Variants in C2orf49 observed in about 807,000 individuals in gnomAD.
C2orf49 encodes the protein tRNA splicing ligase complex subunit 2, also known as tRNA-splicing ligase complex subunit ASW.
Under a neutral mutation model 20.6 loss-of-function variants are expected in C2orf49, and 11 were observed. The ratio of observed to expected loss-of-function variants is 0.53; its 90% CI spans 0.34 to 0.88. C2orf49 has a LOEUF of 0.88. C2orf49 is among the 40% of genes least tolerant of loss of function. The probability of loss-of-function intolerance (pLI) is 0.02; values close to 1 mark genes in which losing one functional copy is unlikely to be tolerated. For synonymous variants in C2orf49, 134 were observed against 108.5 expected (o/e 1.24, Z -1.46); for missense variants, 289 against 274.2 (o/e 1.05, Z -0.38).
chr2:105,354,185 G>A (rs1450407513), downstream of C2orf49, among the ~76,000 whole-genome samples: 1 of 152,212 alleles, frequency 6.6e-6, no homozygotes, highest in Admixed American at 6.5e-5. Context: ...GGGCAATATT[G>A]AGGGAGTAGT....
chr2:105,353,031 A>G (rs551782316), downstream of C2orf49, among the ~76,000 whole-genome samples: 3 of 152,304 alleles, frequency 2.0e-5, no homozygotes, highest in South Asian at 2.1e-4. Flanking sequence ...GAGGTCCAAG[A>G]GCATGGCACT....
chr2:105,351,651 T>C (rs1573253877), downstream of C2orf49, among the ~76,000 whole-genome samples: 1 of 151,530 alleles, frequency 6.6e-6, no homozygotes, highest in East Asian at 1.9e-4. Flanking sequence ...CATGATTGTG[T>C]TTTCTTTGAA....
the C2orf49 span, among the ~76,000 whole-genome samples, chr2:105,355,770 T>TGTGTGTGTGTGTG: frequency 8.9e-4 from 128 of 143,196 alleles, 1 homozygote; most frequent in Non-Finnish European, 1.4e-3. Context: ...AGAAAAAATT[T>TGTGTGTGTGTGTG]TGTGTGTGTG....
the C2orf49 span, chr2:105,367,447 G>A: frequency 1.0e-5 from 10 of 973,068 alleles, no homozygotes; most frequent in African/African-American, 1.1e-4. Context: ...GGCAGGACAG[G>A]CACAGCTCCC....
Position 105,342,946 on chromosome 2 carries a change from A to G in C2orf49, c.365A>G (p.Asp122Gly), listed in dbSNP as rs565758006. Residue 122 changes from aspartate to glycine, a missense_variant, in exon 3 of 4, where the codon GAT becomes GGT. Coordinates refer to ENST00000258457, the MANE Select transcript of C2orf49 (RefSeq NM_024093.3). ...SIKVKKTENGDNDRLKPPPQA... is the reference protein window; with the variant it reads ...SIKVKKTENGGNDRLKPPPQA... ...AAAGTGAAAAAGACAGAGAATGGAG[A>G]TAATGATCGACTGAAGCCTCCCCCG... 8.1e-6 allele frequency: 13 copies of G among 1,614,236 alleles called. No individual in the cohort carries two copies. In the South Asian group the frequency reaches 9.9e-5, roughly 12 times the overall value.
the C2orf49 span, chr2:105,361,171 A>C: frequency 9.2e-7 from 1 of 1,088,928 alleles, no homozygotes; most frequent in South Asian, 1.5e-5. Context: ...AAAGCACTAG[A>C]AGAAAGTCTC....
intron 1 of C2orf49, 35 bp downstream of exon 1, chr2:105,337,721 G>T (rs1200224463): frequency 4.1e-4 from 11 of 26,788 alleles, no homozygotes; most frequent in East Asian, 1.3e-3. Flanking sequence ...GGGCGGGTGG[G>T]CCTTCCCAGG....
chr2:105,348,594 G>A lies in C2orf49; in HGVS notation c.*3223G>A, dbSNP rs1390683813. On this transcript the variant is annotated 3_prime_UTR_variant, in exon 4 of 4. Coordinates refer to ENST00000258457, the MANE Select transcript of C2orf49 (RefSeq NM_024093.3). ...CTCTATTTACTACTGTTGAACTTCA[G>A]TAATTTTTAGAGGCTAAATAATGGT... The A allele has an allele frequency of 1.3e-5, 2 of 148,192 alleles. No homozygotes were observed. The highest frequency in any genetic ancestry group is 2.5e-5 in the African/African-American group (1 of 40,304). 9.2% of individuals were successfully genotyped at this position (148,192 alleles called of 1,614,324 possible).
At chr2:105,368,063 A>T in the C2orf49 span, among the ~76,000 whole-genome samples, 1 of 152,184 alleles carries the variant, frequency 6.6e-6, no homozygotes, top group Non-Finnish European at 1.5e-5. Context: ...GTATAAAGAG[A>T]AGTGTGGCAT....
chr2:105,361,215 C>T, the C2orf49 span: 1 of 1,515,408 alleles, frequency 6.6e-7, no homozygotes, highest in Non-Finnish European at 9.0e-7. Flanking sequence ...GGCAAGATTG[C>T]CTGGGTGAGA....
chr2:105,338,498 T>C (rs1246088693), intron 1 of C2orf49, among the ~76,000 whole-genome samples: 1 of 152,208 alleles, frequency 6.6e-6, no homozygotes, highest in Non-Finnish European at 1.5e-5. Context: ...CCGTCCTCAG[T>C]TTCTCGTTCA....
chr2:105,361,583 A>G, the C2orf49 span: 2 of 654,598 alleles, frequency 3.1e-6, no homozygotes, highest in African/African-American at 1.8e-5. Context: ...TTGGGAATCC[A>G]TATGTAAATC....
intron 2 of C2orf49, 57 bp from the exon 3 acceptor site, chr2:105,342,791 T>C (rs1159868771): frequency 2.4e-5 from 36 of 1,527,690 alleles, no homozygotes; most frequent in Non-Finnish European, 3.0e-5. Context: ...TGAATCCCAG[T>C]GAACTGGTTT....
downstream of C2orf49, among the ~76,000 whole-genome samples, chr2:105,351,570 T>C (rs1314913323): frequency 6.6e-6 from 1 of 152,248 alleles, no homozygotes; most frequent in Non-Finnish European, 1.5e-5. Context: ...TTTTGTTTTT[T>C]AACTCCAGTT....
intron 3 of C2orf49, among the ~76,000 whole-genome samples, chr2:105,344,665 C>T (rs985378308): frequency 2.6e-5 from 4 of 151,952 alleles, no homozygotes; most frequent in South Asian, 2.1e-4. Flanking sequence ...CTACAACCTC[C>T]GCCTCCCAGG....
the C2orf49 span, chr2:105,375,130 A>AGT: frequency 1.6e-5 from 2 of 123,544 alleles, no homozygotes; most frequent in South Asian, 2.6e-4. Flanking sequence ...CTTTTGCTGA[A>AGT]GTATGTGTGT....
At chr2:105,361,928 G>A in the C2orf49 span, among the ~76,000 whole-genome samples, 4 of 152,212 alleles carry the variant, frequency 2.6e-5, no homozygotes, top group South Asian at 2.1e-4. Flanking sequence ...GGATATTGTC[G>A]CAGTGGGAAG....
chr2:105,377,819 T>C, the C2orf49 span: 146,574 of 331,586 alleles, frequency 0.44, 33,535 homozygotes, highest in African/African-American at 0.59. Flanking sequence ...CCTGAAGGAG[T>C]AGGCGCCAGG....
intron 2 of C2orf49, among the ~76,000 whole-genome samples, chr2:105,341,207 G>A (rs577964864): frequency 2.6e-5 from 4 of 152,264 alleles, no homozygotes; most frequent in African/African-American, 9.6e-5. Flanking sequence ...CTCTTGATCA[G>A]CACATTCAGG....
Sources: gnomAD v4.1 joint callset for allele counts (sites outside exome capture counted in the v4.1 genomes callset) on GRCh38, gnomAD v4.1.1 for gene constraint, MANE v1.5 for transcripts, NCBI Gene and HGNC (gene_info 2026-07-23, HGNC 2026-07-21) for gene names.